RIT2: variants seen among roughly 807,000 people sequenced by gnomAD.
RIT2 encodes the protein Ras like without CAAX 2.
Under a neutral mutation model 23.7 loss-of-function variants are expected in RIT2, and 24 were observed. The observed-to-expected ratio is 1.01, with a 90% CI of 0.73 to 1.43. The LOEUF is 1.43. Ranked by LOEUF, RIT2 falls within the 40% of genes most tolerant of loss-of-function variation. The pLI, the probability that RIT2 is intolerant of heterozygous loss-of-function variation, is 0.00. For missense variants in RIT2, 236 were observed against 266.9 expected, an observed-to-expected ratio of 0.88 and a Z score of 0.81; for synonymous variants, 107 against 91.1, an observed-to-expected ratio of 1.17 and a Z score of -0.99.
chr18:42,806,827 T>C (rs1395350383), intron 4 of RIT2, among the ~76,000 whole-genome samples: 1 of 152,234 alleles, frequency 6.6e-6, no homozygotes, highest in Non-Finnish European at 1.5e-5. Flanking sequence ...CTAATAGTTA[T>C]AAAATTTGTA....
At chr18:42,857,540 A>T (rs1277250819) in intron 4 of RIT2, among the ~76,000 whole-genome samples, 1 of 152,222 alleles carries the variant, frequency 6.6e-6, no homozygotes, top group Admixed American at 6.5e-5. Context: ...AAAATACCTT[A>T]TTATAGAACA....
At chr18:42,996,614 C>G (rs1396514866) in intron 2 of RIT2, among the ~76,000 whole-genome samples, 1 of 151,916 alleles carries the variant, frequency 6.6e-6, no homozygotes, top group Non-Finnish European at 1.5e-5. Context: ...TGTGACCCCC[C>G]ACTCCTGCCC....
chr18:42,841,288 C>T (rs1172649423), intron 4 of RIT2, among the ~76,000 whole-genome samples: 1 of 152,110 alleles, frequency 6.6e-6, no homozygotes, highest in Non-Finnish European at 1.5e-5. Flanking sequence ...AGAAAAACAG[C>T]CTTCAGTTTG....
intron 1 of RIT2, among the ~76,000 whole-genome samples, chr18:43,084,477 A>G (rs567378885): frequency 6.6e-6 from 1 of 152,348 alleles, no homozygotes; most frequent in South Asian, 2.1e-4. Flanking sequence ...AATGACTTGG[A>G]ACCAACCCAA....
intron 1 of RIT2, among the ~76,000 whole-genome samples, chr18:43,102,623 GT>G (rs530345019): frequency 3.3e-5 from 5 of 150,978 alleles, no homozygotes; most frequent in Non-Finnish European, 3.0e-5. Flanking sequence ...TGCATGCTCA[GT>G]TTTTTTTAAT....
At chr18:43,030,253 G>T (rs571542411) in intron 2 of RIT2, among the ~76,000 whole-genome samples, 4 of 152,076 alleles carry the variant, frequency 2.6e-5, no homozygotes, top group South Asian at 2.1e-4. Context: ...CAAAAGAGGC[G>T]CTCTTGAGGA....
chr18:42,852,204 T>C (rs191289908), intron 4 of RIT2, among the ~76,000 whole-genome samples: 1 of 152,374 alleles, frequency 6.6e-6, no homozygotes, highest in East Asian at 1.9e-4. Flanking sequence ...CAGATTATGA[T>C]ATAATTCTCT....
chr18:42,767,251 G>A (rs1321514005), intron 4 of RIT2, among the ~76,000 whole-genome samples: 1 of 152,216 alleles, frequency 6.6e-6, no homozygotes, highest in African/African-American at 2.4e-5. Context: ...GTGGGAGGCT[G>A]TAACCTGAAA....
chr18:42,939,738 C>T (rs1018534379), intron 3 of RIT2, among the ~76,000 whole-genome samples: 2 of 151,930 alleles, frequency 1.3e-5, no homozygotes, highest in African/African-American at 4.8e-5. Context: ...GGACTGCAAG[C>T]CTGATTACAA....
intron 2 of RIT2, among the ~76,000 whole-genome samples, chr18:43,027,331 G>A (rs1334840473): frequency 6.6e-6 from 1 of 152,054 alleles, no homozygotes; most frequent in Non-Finnish European, 1.5e-5. Flanking sequence ...AATTTTTAAT[G>A]TTTCTTAATA....
intron 1 of RIT2, among the ~76,000 whole-genome samples, chr18:43,114,762 A>C (rs1424021588): frequency 6.6e-6 from 1 of 152,126 alleles, no homozygotes; most frequent in Non-Finnish European, 1.5e-5. Flanking sequence ...GCTATTCTTC[A>C]TCTCTATTAT....
At chr18:42,790,443 A>G (rs1175236866) in intron 4 of RIT2, among the ~76,000 whole-genome samples, 1 of 152,104 alleles carries the variant, frequency 6.6e-6, no homozygotes, top group Non-Finnish European at 1.5e-5. Flanking sequence ...ATTTACTTTT[A>G]TTTATTTTTA....
At chr18:43,016,876 C>G (rs1411300294) in intron 2 of RIT2, among the ~76,000 whole-genome samples, 1 of 151,802 alleles carries the variant, frequency 6.6e-6, no homozygotes, top group Non-Finnish European at 1.5e-5. Context: ...CCTTAGTCAC[C>G]AGGAACCATA....
intron 4 of RIT2, among the ~76,000 whole-genome samples, chr18:42,905,695 A>G (rs1260408743): frequency 6.6e-6 from 1 of 151,698 alleles, no homozygotes; most frequent in African/African-American, 2.4e-5. Context: ...CTGGTCTCAA[A>G]CTCCTGACCT....
At chr18:43,019,923 A>C (rs1338096196) in intron 2 of RIT2, among the ~76,000 whole-genome samples, 2 of 152,034 alleles carry the variant, frequency 1.3e-5, no homozygotes, top group Non-Finnish European at 2.9e-5. Flanking sequence ...TCAAGGATTC[A>C]ATCCCATCTA....
chr18:42,815,338 A>G (rs1905965803), intron 4 of RIT2, among the ~76,000 whole-genome samples: 1 of 152,206 alleles, frequency 6.6e-6, no homozygotes, highest in African/African-American at 2.4e-5. Context: ...GGAAAGTCTC[A>G]GCAATAGAAT....
intron 3 of RIT2, among the ~76,000 whole-genome samples, chr18:42,969,753 A>G (rs1181145105): frequency 6.6e-6 from 1 of 152,078 alleles, no homozygotes; most frequent in East Asian, 1.9e-4. Context: ...ATACATTTAT[A>G]AAGTAAACAT....
chr18:42,986,564 T>A (rs1427933999), intron 2 of RIT2, among the ~76,000 whole-genome samples: 1 of 152,020 alleles, frequency 6.6e-6, no homozygotes, highest in Non-Finnish European at 1.5e-5. Flanking sequence ...TGCAGTGGCA[T>A]GATCTCAGCT....
chr18:42,903,573 A>T (rs1908534343), intron 4 of RIT2, among the ~76,000 whole-genome samples: 2 of 152,094 alleles, frequency 1.3e-5, no homozygotes, highest in Non-Finnish European at 2.9e-5. Context: ...TATTTACAAA[A>T]ATATAAATTA....
Sources: allele counts gnomAD v4.1 joint callset (sites outside exome capture counted in the v4.1 genomes callset), GRCh38; gene constraint gnomAD v4.1.1; transcripts MANE v1.5; gene names NCBI Gene and HGNC (gene_info 2026-07-23, HGNC 2026-07-21).